The following PPP2R3A variants were observed in gnomAD, a reference collection of about 807,000 sequenced individuals.
PPP2R3A encodes serine/threonine-protein phosphatase 2A regulatory subunit B'' subunit alpha.
A neutral mutation model predicts 106.9 loss-of-function variants in PPP2R3A; 80 were observed. That is an observed-to-expected ratio of 0.75 (90% CI 0.62 to 0.90). The LOEUF (loss-of-function observed/expected upper bound fraction) is 0.90, where lower values mean the gene tolerates loss of function less well. Among genes scored for constraint, PPP2R3A ranks in the 40% least tolerant of loss-of-function variants. The pLI is 0.00. For missense variants in PPP2R3A, 1,386 were observed against 1,350.4 expected, an observed-to-expected ratio of 1.03 and a Z score of -0.41; for synonymous variants, 483 against 468.3, an observed-to-expected ratio of 1.03 and a Z score of -0.41.
intron 9 of PPP2R3A, among the ~76,000 whole-genome samples, chr3:136,090,150 G>A (rs1937058995): frequency 1.3e-5 from 2 of 152,120 alleles, no homozygotes; most frequent in Non-Finnish European, 2.9e-5. Flanking sequence ...GAATAGAGTG[G>A]TGAGAGTGGT....
At chr3:136,099,526 C>A (rs1375220409) in intron 10 of PPP2R3A, among the ~76,000 whole-genome samples, 1 of 152,026 alleles carries the variant, frequency 6.6e-6, no homozygotes, top group Non-Finnish European at 1.5e-5. Context: ...AACCAAAAAG[C>A]TCTTTGAGTA....
chr3:136,143,647 G>A (rs1175024983), intron 13 of PPP2R3A, among the ~76,000 whole-genome samples: 4 of 151,512 alleles, frequency 2.6e-5, no homozygotes, highest in African/African-American at 4.9e-5. Context: ...AAAATTACCC[G>A]GGCATGGTGG....
chr3:136,031,632 T>G (rs1278805467), intron 3 of PPP2R3A, among the ~76,000 whole-genome samples: 1 of 152,232 alleles, frequency 6.6e-6, no homozygotes, highest in Non-Finnish European at 1.5e-5. Flanking sequence ...TTTTTATAGT[T>G]TCAGGTCTTA....
At chr3:136,097,450 T>G (rs570214176) in intron 10 of PPP2R3A, among the ~76,000 whole-genome samples, 14 of 152,358 alleles carry the variant, frequency 9.2e-5, no homozygotes, top group Non-Finnish European at 1.8e-4. Flanking sequence ...TTAAAAGCAG[T>G]TATGTGCTTT....
At chr3:136,031,792 T>A (rs1301745864) in intron 3 of PPP2R3A, among the ~76,000 whole-genome samples, 1 of 152,240 alleles carries the variant, frequency 6.6e-6, no homozygotes, top group Non-Finnish European at 1.5e-5. Flanking sequence ...TTTGTTTACC[T>A]TGTCAAAGAT....
rs1290569926 is a variant in PPP2R3A at position 136,147,211 on chromosome 3, A to C, written c.*2045A>C. On this transcript the variant is annotated 3_prime_UTR_variant, in exon 14 of 14. Transcript: ENST00000264977. ...GTGAGACTCCGTCTCTACAAAAAAT[A>C]AATTTAGCTGGGCATGGTGGTGCAC... is the stretch of plus-strand genomic sequence containing the variant. 6.6e-6 allele frequency: 1 copy of C among 152,210 alleles called. No homozygotes were observed. Among genetic ancestry groups the C allele is most frequent in the Non-Finnish European group, 1.5e-5 (1 of 68,068 alleles). The allele number at this position is 152,210 out of a possible 1,614,324, so 9.4% of individuals were successfully genotyped here. A position where few individuals can be genotyped will look rare whatever the true frequency, so the allele number is the denominator to read the frequency against.
chr3:136,088,408 G>T (rs1241938583), intron 9 of PPP2R3A, among the ~76,000 whole-genome samples: 1 of 152,212 alleles, frequency 6.6e-6, no homozygotes, highest in East Asian at 1.9e-4. Flanking sequence ...CTGCCTCCAT[G>T]TTGCTGCAGG....
At chr3:136,072,592 CAAAAG>C (rs1156665264) in intron 6 of PPP2R3A, among the ~76,000 whole-genome samples, 2 of 152,112 alleles carry the variant, frequency 1.3e-5, no homozygotes, top group Non-Finnish European at 2.9e-5. Flanking sequence ...GGATCTGTCT[CAAAAG>C]AAAAGAATTC....
At chr3:136,105,442 A>G (rs943257949) in intron 12 of PPP2R3A, among the ~76,000 whole-genome samples, 3 of 152,226 alleles carry the variant, frequency 2.0e-5, no homozygotes, top group East Asian at 1.9e-4. Flanking sequence ...CCTGGGCAAC[A>G]TAGTGAGCCC....
intron 3 of PPP2R3A, among the ~76,000 whole-genome samples, chr3:136,034,997 T>C (rs1222532952): frequency 6.6e-6 from 1 of 152,202 alleles, no homozygotes; most frequent in Non-Finnish European, 1.5e-5. Context: ...CTTTTTTAAC[T>C]GTTGTTCCTT....
chr3:135,975,300 C>A (rs1038289463), intron 1 of PPP2R3A, among the ~76,000 whole-genome samples: 3 of 152,162 alleles, frequency 2.0e-5, no homozygotes, highest in Non-Finnish European at 4.4e-5. Context: ...CATCTAGTGA[C>A]AGTCTATCTA....
intron 1 of PPP2R3A, among the ~76,000 whole-genome samples, chr3:135,973,779 ATACT>A (rs1559846067): frequency 1.3e-5 from 2 of 152,340 alleles, no homozygotes; most frequent in South Asian, 4.1e-4. Flanking sequence ...CAGTCAACAA[ATACT>A]TACTAATTTA....
intron 13 of PPP2R3A, among the ~76,000 whole-genome samples, chr3:136,144,036 G>A (rs184026368): frequency 2.6e-4 from 40 of 152,274 alleles, no homozygotes; most frequent in Non-Finnish European, 5.6e-4. Context: ...CTACATATGA[G>A]GCTCAGAGAT....
At chr3:136,102,627 G>A (rs992979348) in intron 11 of PPP2R3A, among the ~76,000 whole-genome samples, 24 of 152,150 alleles carry the variant, frequency 1.6e-4, no homozygotes, top group African/African-American at 5.5e-4. Context: ...GGTTACAGGC[G>A]TGAGTCACCA....
At chr3:135,998,786 G>T (rs1933503701) in intron 1 of PPP2R3A, among the ~76,000 whole-genome samples, 1 of 152,154 alleles carries the variant, frequency 6.6e-6, no homozygotes, top group South Asian at 2.1e-4. Context: ...TCATTAAAAT[G>T]ATCTATGTCT....
At chr3:136,030,753 T>G (rs905989765) in intron 3 of PPP2R3A, among the ~76,000 whole-genome samples, 17 of 136,246 alleles carry the variant, frequency 1.2e-4, no homozygotes, top group African/African-American at 4.0e-4. Context: ...CTGAGTAGTA[T>G]TCCATCACAT....
intron 5 of PPP2R3A, among the ~76,000 whole-genome samples, chr3:136,064,927 A>G (rs1010227858): frequency 2.6e-5 from 4 of 152,328 alleles, no homozygotes; most frequent in South Asian, 4.1e-4. Flanking sequence ...TGGATAATCT[A>G]TAGAAAATTT....
intron 2 of PPP2R3A, among the ~76,000 whole-genome samples, chr3:136,007,864 T>C (rs931303650): frequency 1.3e-5 from 2 of 152,204 alleles, no homozygotes; most frequent in Non-Finnish European, 1.5e-5. Flanking sequence ...TTTAGTACAA[T>C]TGTTTGTTTA....
intron 2 of PPP2R3A, among the ~76,000 whole-genome samples, chr3:136,016,890 TTG>T (rs1197895299): frequency 1.3e-5 from 2 of 152,156 alleles, no homozygotes; most frequent in African/African-American, 2.4e-5. Context: ...GGTTTTTTCA[TTG>T]TGTTATTATT....
Sources: gnomAD v4.1 joint callset for allele counts (sites outside exome capture counted in the v4.1 genomes callset) on GRCh38, gnomAD v4.1.1 for gene constraint, MANE v1.5 for transcripts, NCBI Gene and HGNC (gene_info 2026-07-23, HGNC 2026-07-21) for gene names.